The following TAB2 variants were observed in gnomAD, a reference collection of about 807,000 sequenced individuals.
TAB2 encodes the protein TGF-beta-activated kinase 1 and MAP3K7-binding protein 2.
TAB2 carries 3 observed loss-of-function variants against 65.0 expected under a neutral mutation model. That is an observed-to-expected ratio of 0.05 (90% confidence interval 0.02 to 0.12). The LOEUF is 0.12. Ranked by LOEUF, TAB2 falls within the 10% of genes least tolerant of loss-of-function variation. The probability of loss-of-function intolerance (pLI) is 1.00; values close to 1 mark genes in which losing one functional copy is unlikely to be tolerated. For synonymous variants in TAB2, 298 were observed against 285.1 expected (o/e 1.05, Z -0.46); for missense variants, 623 against 840.3 (o/e 0.74, Z 3.20).
chr6:149,329,677 G>A (rs1255422782), intron 1 of TAB2, among the ~76,000 whole-genome samples: 6 of 141,102 alleles, frequency 4.3e-5, no homozygotes, highest in Non-Finnish European at 9.3e-5. Flanking sequence ...GGGGGGGCGG[G>A]GTTGGGGGGT....
intron 1 of TAB2, among the ~76,000 whole-genome samples, chr6:149,311,290 C>T (rs1779161861): frequency 6.6e-6 from 1 of 152,160 alleles, no homozygotes; most frequent in Non-Finnish European, 1.5e-5. Context: ...ACCTGAAATG[C>T]CCTCCCGTTT....
At chr6:149,404,854 G>A (rs1458741563) in intron 6 of TAB2, among the ~76,000 whole-genome samples, 2 of 152,136 alleles carry the variant, frequency 1.3e-5, no homozygotes, top group Non-Finnish European at 1.5e-5. Flanking sequence ...CCTGGTCTGG[G>A]CAATGATAGT....
chr6:149,382,450 G>A (rs1781643661), intron 3 of TAB2, among the ~76,000 whole-genome samples: 1 of 152,106 alleles, frequency 6.6e-6, no homozygotes, highest in South Asian at 2.1e-4. Context: ...ACAAAAATTA[G>A]CGGGGCGTGG....
At chr6:149,341,629 C>A (rs560259131) in intron 1 of TAB2, among the ~76,000 whole-genome samples, 6 of 152,274 alleles carry the variant, frequency 3.9e-5, no homozygotes, top group African/African-American at 1.2e-4. Flanking sequence ...ACTTAGACTT[C>A]TCTCTCACAG....
intron 1 of TAB2, among the ~76,000 whole-genome samples, chr6:149,356,021 A>G (rs1440706424): frequency 6.6e-6 from 1 of 152,222 alleles, no homozygotes; most frequent in African/African-American, 2.4e-5. Context: ...TTGAGAAGTG[A>G]TAAATGACAA....
At chr6:149,388,712 A>G (rs1053901499) in intron 3 of TAB2, among the ~76,000 whole-genome samples, 2 of 152,020 alleles carry the variant, frequency 1.3e-5, no homozygotes, top group Non-Finnish European at 2.9e-5. Flanking sequence ...ACATCTTTTC[A>G]TGTGTTCTTT....
intron 1 of TAB2, among the ~76,000 whole-genome samples, chr6:149,284,754 T>G (rs1778639312): frequency 6.6e-6 from 1 of 152,050 alleles, no homozygotes; most frequent in African/African-American, 2.4e-5. Flanking sequence ...ACCTTATTTA[T>G]CCATCTAGCT....
At chr6:149,309,032 A>G (rs799389) in intron 1 of TAB2, among the ~76,000 whole-genome samples, 68,162 of 151,934 alleles carry the variant, frequency 0.45, 15,863 homozygotes, top group African/African-American at 0.59. Context: ...AAAAAAATAT[A>G]TGGAATGACT....
chr6:149,403,247 A>AAAATATATAT (rs1554265371), intron 6 of TAB2, among the ~76,000 whole-genome samples: 1 of 44,032 alleles, frequency 2.3e-5, no homozygotes, highest in Non-Finnish European at 3.6e-5. Context: ...AAAAAAAAAA[A>AAAATATATAT]ATATATATAT....
intron 1 of TAB2, among the ~76,000 whole-genome samples, chr6:149,287,855 T>C (rs560474298): frequency 2.6e-5 from 4 of 152,368 alleles, no homozygotes; most frequent in Admixed American, 2.6e-4. Flanking sequence ...GGGCATGTTA[T>C]TTATAAGGAG....
chr6:149,296,471 G>A (rs1193113544), intron 1 of TAB2, among the ~76,000 whole-genome samples: 1 of 151,948 alleles, frequency 6.6e-6, no homozygotes, highest in Non-Finnish European at 1.5e-5. Flanking sequence ...TTCCATGTTT[G>A]GCCTAAAAAT....
chr6:149,263,053 C>T (rs912789794), intron 1 of TAB2, among the ~76,000 whole-genome samples: 6 of 152,156 alleles, frequency 3.9e-5, no homozygotes, highest in Non-Finnish European at 7.3e-5. Context: ...GATCCTCCTG[C>T]CTTGGCCTTT....
chr6:149,227,244 A>G (rs923417510), intron 1 of TAB2, among the ~76,000 whole-genome samples: 32 of 152,202 alleles, frequency 2.1e-4, no homozygotes, highest in African/African-American at 7.7e-4. Flanking sequence ...TTTCCTATAA[A>G]TGACTAGGTA....
At chr6:149,392,369 T>C (rs1192636984) in intron 3 of TAB2, among the ~76,000 whole-genome samples, 1 of 152,214 alleles carries the variant, frequency 6.6e-6, no homozygotes, top group African/African-American at 2.4e-5. Context: ...CTTGAACTCC[T>C]GACCTCAAAT....
chr6:149,376,279 T>C (rs1781393730), intron 2 of TAB2, among the ~76,000 whole-genome samples: 1 of 152,246 alleles, frequency 6.6e-6, no homozygotes, highest in African/African-American at 2.4e-5. Context: ...TGAATACCCT[T>C]TGTGTCTTTA....
intron 1 of TAB2, among the ~76,000 whole-genome samples, chr6:149,369,397 A>T (rs969155960): frequency 1.3e-5 from 2 of 152,224 alleles, no homozygotes; most frequent in Non-Finnish European, 2.9e-5. Flanking sequence ...AATGCTACTA[A>T]GCTCCTAAGA....
chr6:149,261,582 A>G (rs1327268032), intron 1 of TAB2, among the ~76,000 whole-genome samples: 1 of 152,246 alleles, frequency 6.6e-6, no homozygotes, highest in Non-Finnish European at 1.5e-5. Flanking sequence ...ATTTTAACCA[A>G]TAGTAAAGTG....
At chr6:149,396,224 G>A (rs140719098) in intron 3 of TAB2, among the ~76,000 whole-genome samples, 1,675 of 152,252 alleles carry the variant, frequency 0.011, 27 homozygotes, top group African/African-American at 0.039. Flanking sequence ...CACCATGTTG[G>A]CCAGTCTGGT....
chr6:149,288,788 A>G (rs1381909284), intron 1 of TAB2, among the ~76,000 whole-genome samples: 2 of 152,032 alleles, frequency 1.3e-5, no homozygotes, highest in Non-Finnish European at 2.9e-5. Flanking sequence ...ATTTTAAGGC[A>G]ATGGGTTCCC....
Sources: gnomAD v4.1 joint callset for allele counts (sites outside exome capture counted in the v4.1 genomes callset) on GRCh38, gnomAD v4.1.1 for gene constraint, MANE v1.5 for transcripts, NCBI Gene and HGNC (gene_info 2026-07-23, HGNC 2026-07-21) for gene names.